The following NAA40 variants were observed in gnomAD, a reference collection of about 807,000 sequenced individuals.
The protein encoded by NAA40 is N-alpha-acetyltransferase 40.
Under a neutral mutation model 36.6 loss-of-function variants are expected in NAA40, and 26 were observed. That is an observed-to-expected ratio of 0.71 (90% CI 0.52 to 0.98). The LOEUF is 0.98. Ranked by LOEUF, NAA40 falls within the 50% of genes least tolerant of loss-of-function variation. The pLI is 0.00. For missense variants in NAA40, 237 were observed against 306.5 expected (o/e 0.77, Z 1.69); for synonymous variants, 129 against 108.4 (o/e 1.19, Z -1.18).
chr11:63,940,512 A>T (rs901492), intron 1 of NAA40, among the ~76,000 whole-genome samples: 38 of 152,326 alleles, frequency 2.5e-4, no homozygotes, highest in Middle Eastern at 3.4e-3. Context: ...TTGGGATGCT[A>T]ATACCTCCCC....
chr11:63,940,204 C>G lies in NAA40; in HGVS notation c.6+1102C>G, dbSNP rs532725237. ...CAGCTGGGATTACAGGCGCCCGCTA[C>G]TATGCCCGGCTCATTTTTGTATTTT... is the stretch of plus-strand genomic sequence containing the variant. On this transcript the variant is annotated intron_variant, in intron 1 of 7. Transcript: ENST00000377793. Among the ~76,000 whole-genome samples, 121 of 152,240 alleles carry G rather than the reference C, an allele frequency of 7.9e-4. 1 individual carries two copies. Among genetic ancestry groups the G allele is most frequent in the African/African-American group, 2.8e-3 (116 of 41,548 alleles).
rs1442265807 is a variant in NAA40 at position 63,955,567 on chromosome 11, C to T, written c.*1088C>T. ...GGCCCCTCTGCCTGCACTCCTCAGG[C>T]TTGCCCCTCGCTGCCTCAGTGAGGC... is the stretch of plus-strand genomic sequence containing the variant. On this transcript the variant is annotated 3_prime_UTR_variant, in exon 8 of 8. Coordinates refer to ENST00000377793, the MANE Select transcript of NAA40 (RefSeq NM_024771.4). 6.5e-6 allele frequency: 1 copy of T among 152,690 alleles called. No individual in the cohort carries two copies. The allele number at this position is 152,690 out of a possible 1,614,324, so 9.5% of individuals were successfully genotyped here.
chr11:63,950,112 G>A (rs976756163), intron 3 of NAA40, among the ~76,000 whole-genome samples: 16 of 126,304 alleles, frequency 1.3e-4, no homozygotes, highest in African/African-American at 5.0e-4. Flanking sequence ...GCTGGTATGA[G>A]GTTTTTTTTG....
rs1278673521 is a variant in NAA40 at position 63,957,212 on chromosome 11, A to ATATTTT, written c.*2734_*2735insATTTTT. On this transcript the variant is annotated 3_prime_UTR_variant, in exon 8 of 8. Coordinates refer to ENST00000377793, the MANE Select transcript of NAA40 (RefSeq NM_024771.4). ...CCTTGATATATATATATATATATATATTTTTTTTTTTCTTTAGCAGCTTGT... is the reference window on the plus strand; with the variant it reads ...CCTTGATATATATATATATATATATATATTTTTTTTTTTTTTTCTTTAGCAGCTTGT... The ATATTTT allele has an allele frequency of 1.6e-5, 1 of 64,300 alleles. No homozygotes were observed. Among genetic ancestry groups the ATATTTT allele is most frequent in the African/African-American group, 4.2e-5 (1 of 23,942 alleles). 4.0% of individuals were successfully genotyped at this position (64,300 alleles called of 1,614,324 possible).
chr11:63,946,011 A>C (rs1590752764), intron 2 of NAA40, 76 bp downstream of exon 2: 7 of 1,354,082 alleles, frequency 5.2e-6, no homozygotes, highest in Non-Finnish European at 4.2e-6. Context: ...TTTTGTCTCC[A>C]CCCTGTGGCA....
chr11:63,956,418 G>T lies in NAA40; in HGVS notation c.*1939G>T, dbSNP rs902336511. The T allele has an allele frequency of 6.6e-6, 1 of 152,358 alleles. No homozygotes were observed. The highest frequency in any genetic ancestry group is 6.5e-5 in the Admixed American group (1 of 15,288). 9.4% of individuals were successfully genotyped at this position (152,358 alleles called of 1,614,324 possible). A position where few individuals can be genotyped will look rare whatever the true frequency, so the allele number is the denominator to read the frequency against. ...AGGGGACCAAAAGGGACCCCCCCGT[G>T]TTCATCCCTTGTAAGGTGAGTTCAG... On this transcript the variant is annotated 3_prime_UTR_variant, in exon 8 of 8. Coordinates refer to ENST00000377793, the MANE Select transcript of NAA40 (RefSeq NM_024771.4).
At position 63,945,318 on chromosome 11, in the gene NAA40, C is replaced by A. The variant is rs573909697; in HGVS notation, c.7-522C>A. Among the ~76,000 whole-genome samples, 6 of 152,258 alleles carry A rather than the reference C, an allele frequency of 3.9e-5. No homozygotes were observed. The South Asian group carries it at 1.2e-3, about 32-fold the overall frequency. The stretch of plus-strand genomic sequence containing the variant: ...GTCCTTGAGTCCGAACACGGTGGCC[C>A]CCACTTGAAATGAGACCCGGCTCCC... On this transcript the variant is annotated intron_variant, in intron 1 of 7. Transcript: ENST00000377793.
At chr11:63,946,794 G>A (rs1385258308) in intron 2 of NAA40, 157 bp from the exon 3 acceptor site, 2 of 1,548,954 alleles carry the variant, frequency 1.3e-6, no homozygotes, top group Admixed American at 1.9e-5. Context: ...TTCAGAGCTA[G>A]GCAAATGGTG....
At chr11:63,939,744 C>G (rs186642834) in intron 1 of NAA40, among the ~76,000 whole-genome samples, 8 of 152,214 alleles carry the variant, frequency 5.3e-5, no homozygotes, top group African/African-American at 1.7e-4. Flanking sequence ...ATGGTTCTTA[C>G]GACCGCTTGG....
chr11:63,952,699 C>A (rs1411422552), intron 5 of NAA40, 57 bp from the exon 6 acceptor site: 1 of 1,606,874 alleles, frequency 6.2e-7, no homozygotes, highest in Non-Finnish European at 8.5e-7. Context: ...TCTGCCAGAC[C>A]TTACAGCCTC....
Position 63,946,677 on chromosome 11 carries a change from G to A in NAA40, c.103-274G>A, listed in dbSNP as rs766129845. ...CTTCTTTGGGTTAGCTGTGCTGTGA[G>A]CAGGTTGTATGCCCACAGGCTAATG... On this transcript the variant is annotated intron_variant, in intron 2 of 7. Transcript: ENST00000377793. 14 of 1,451,776 alleles carry A rather than the reference G, an allele frequency of 9.6e-6. No individual in the cohort carries two copies. In the East Asian group the frequency reaches 3.5e-4, roughly 36 times the overall value. 89.9% of individuals were successfully genotyped at this position (1,451,776 alleles called of 1,614,324 possible).
chr11:63,950,326 C>T (rs1423443862), intron 3 of NAA40, among the ~76,000 whole-genome samples: 1 of 152,068 alleles, frequency 6.6e-6, no homozygotes, highest in Non-Finnish European at 1.5e-5. Flanking sequence ...GCCATGTTGG[C>T]CAGGCTGGTC....
At position 63,946,574 on chromosome 11, in the gene NAA40, A is replaced by G. The variant is rs1942190569; in HGVS notation, c.103-377A>G. 3 of 1,215,514 alleles carry G rather than the reference A, an allele frequency of 2.5e-6. No homozygotes were observed. The South Asian group carries it at 5.1e-5, about 21-fold the overall frequency. The allele number at this position is 1,215,514 out of a possible 1,614,324, so 75.3% of individuals were successfully genotyped here. A position where few individuals can be genotyped will look rare whatever the true frequency, so the allele number is the denominator to read the frequency against. ...CACTCATAGTAAACACTCATTTATA[A>G]GGATGTGGCTCAGGGGCTTGATTTT... On this transcript the variant is annotated intron_variant, in intron 2 of 7. Transcript: ENST00000377793.
Position 63,952,325 on chromosome 11 carries a change from G to A in NAA40, c.243G>A (p.Met81Ile), listed in dbSNP as rs1207681899. 3.1e-6 allele frequency: 5 copies of A among 1,613,872 alleles called. No homozygotes were observed. The highest frequency in any genetic ancestry group is 3.4e-6 in the Non-Finnish European group (4 of 1,179,846). The change falls in exon 4 of 8, where the codon ATG (methionine) becomes ATA (isoleucine). Residue 81 changes from methionine to isoleucine, a missense_variant. Transcript: ENST00000377793. ...DWAFDLTKTNMQTMYEQSEWG... is the reference protein window; with the variant it reads ...DWAFDLTKTNIQTMYEQSEWG... Reference sequence around the variant, plus strand: ...CCTTCGACCTGACCAAAACGAATATGCAAACCATGTAAGCTTGTCCCAACC... The same window carrying A: ...CCTTCGACCTGACCAAAACGAATATACAAACCATGTAAGCTTGTCCCAACC...
rs1427969124 is a variant in NAA40, at chr11:63,939,007, C to T, written c.-90C>T. 1 of 1,342,672 alleles carries T rather than the reference C, an allele frequency of 7.4e-7. No individual in the cohort carries two copies. Among genetic ancestry groups the T allele is most frequent in the Admixed American group, 1.8e-5 (1 of 56,172 alleles). The allele number at this position is 1,342,672 out of a possible 1,614,324, so 83.2% of individuals were successfully genotyped here. On this transcript the variant is annotated 5_prime_UTR_variant, in exon 1 of 8. Coordinates refer to ENST00000377793, the MANE Select transcript of NAA40 (RefSeq NM_024771.4). ...CGCATGCGCGTTGCAGGGCCGTCCGCTCTGCTGCCGCCGCTGTTGCAGCCA... is the reference window on the plus strand; with the variant it reads ...CGCATGCGCGTTGCAGGGCCGTCCGTTCTGCTGCCGCCGCTGTTGCAGCCA...
Position 63,956,511 on chromosome 11 carries a change from C to A in NAA40, c.*2032C>A, listed in dbSNP as rs1565175699. The A allele has an allele frequency of 6.6e-6, 1 of 152,602 alleles. No individual in the cohort carries two copies. Among genetic ancestry groups the A allele is most frequent in the East Asian group, 1.9e-4 (1 of 5,196 alleles). 9.5% of individuals were successfully genotyped at this position (152,602 alleles called of 1,614,324 possible). A position where few individuals can be genotyped will look rare whatever the true frequency, so the allele number is the denominator to read the frequency against. On this transcript the variant is annotated 3_prime_UTR_variant, in exon 8 of 8. Transcript: ENST00000377793. ...TGGTCAATGGGTGCTTGGTGCCATA[C>A]CCTGCTCACCCTAGTCTCTGCAGGC...
intron 3 of NAA40, among the ~76,000 whole-genome samples, chr11:63,949,238 C>G (rs1056220758): frequency 1.4e-4 from 21 of 152,124 alleles, no homozygotes; most frequent in African/African-American, 5.1e-4. Flanking sequence ...GTACCTTTCT[C>G]ATGGACTTGT....
rs1210893876 is a variant in NAA40, at chr11:63,954,726, A to G, written c.*247A>G. Reference sequence around the variant, plus strand: ...TAGGTGGGGCCGGGCAGTGAAGCTCATCCTCCACAGTGGCTGCCTCCTCAT... The same window carrying G: ...TAGGTGGGGCCGGGCAGTGAAGCTCGTCCTCCACAGTGGCTGCCTCCTCAT... On this transcript the variant is annotated 3_prime_UTR_variant, in exon 8 of 8. Transcript: ENST00000377793. 1 of 362,732 alleles carries G rather than the reference A, an allele frequency of 2.8e-6. No individual in the cohort carries two copies. Among genetic ancestry groups the G allele is most frequent in the Admixed American group, 4.8e-5 (1 of 20,852 alleles). The allele number at this position is 362,732 out of a possible 1,614,324, so 22.5% of individuals were successfully genotyped here. A position where few individuals can be genotyped will look rare whatever the true frequency, so the allele number is the denominator to read the frequency against.
At chr11:63,946,083 A>G (rs1942181737) in intron 2 of NAA40, 148 bp downstream of exon 2, 1 of 688,454 alleles carries the variant, frequency 1.5e-6, no homozygotes, top group Admixed American at 2.7e-5. Context: ...AACTGAGCTC[A>G]TACCTGTGTG....
Sources: gnomAD v4.1 joint callset for allele counts (sites outside exome capture counted in the v4.1 genomes callset) on GRCh38, gnomAD v4.1.1 for gene constraint, MANE v1.5 for transcripts, NCBI Gene and HGNC (gene_info 2026-07-23, HGNC 2026-07-21) for gene names.